Variants in MYRIP observed in about 807,000 individuals in gnomAD.
The protein encoded by MYRIP is myosin VIIA and Rab interacting protein, also known as rab effector MyRIP.
In MYRIP, 49 loss-of-function variants were observed where a neutral mutation model predicts 98.0. The observed-to-expected ratio is 0.50, with a 90% CI of 0.40 to 0.63. MYRIP has a LOEUF of 0.63. Ranked by LOEUF, MYRIP falls within the 30% of genes least tolerant of loss-of-function variation. The pLI, the probability that MYRIP is intolerant of heterozygous loss-of-function variation, is 0.00. For missense variants in MYRIP, 1,004 were observed against 1,058.2 expected (o/e 0.95, Z 0.71); for synonymous variants, 404 against 409.5 (o/e 0.99, Z 0.16).
intron 2 of MYRIP, among the ~76,000 whole-genome samples, chr3:40,030,302 C>A (rs1947230804): frequency 6.6e-6 from 1 of 152,048 alleles, no homozygotes; most frequent in African/African-American, 2.4e-5. Context: ...CCACCTCACA[C>A]CCCCTAAGAT....
At chr3:40,001,546 C>G (rs189421221) in intron 2 of MYRIP, among the ~76,000 whole-genome samples, 8 of 152,300 alleles carry the variant, frequency 5.3e-5, no homozygotes. Context: ...TTTCACCTTT[C>G]GAGTTAGAGA....
Position 40,258,459 on chromosome 3 carries a change from GT to G in MYRIP, c.*296del. 1 of 380,720 alleles carries G rather than the reference GT, an allele frequency of 2.6e-6. No homozygotes were observed. Among genetic ancestry groups the G allele is most frequent in the Non-Finnish European group, 4.8e-6 (1 of 209,058 alleles). 23.6% of individuals were successfully genotyped at this position (380,720 alleles called of 1,614,324 possible). On this transcript the variant is annotated 3_prime_UTR_variant, in exon 17 of 17. Transcript: ENST00000302541. ...CATGTTTAAGATACATATTTTCCCT[GT>G]TTGCTTTGCTACTGTATGTTGACTT...
At chr3:39,925,233 C>T (rs1944396204) in intron 2 of MYRIP, among the ~76,000 whole-genome samples, 1 of 151,958 alleles carries the variant, frequency 6.6e-6, no homozygotes, top group Non-Finnish European at 1.5e-5. Flanking sequence ...GGAGAAAACA[C>T]AAATTGTCAG....
intron 2 of MYRIP, among the ~76,000 whole-genome samples, chr3:40,018,212 G>C (rs1559562521): frequency 6.6e-6 from 1 of 152,056 alleles, no homozygotes; most frequent in Non-Finnish European, 1.5e-5. Flanking sequence ...GTATTCTTTT[G>C]CTCCCTAACT....
chr3:40,150,965 T>G, intron 3 of MYRIP, 83 bp from the exon 4 acceptor site: 38 of 1,282,854 alleles, frequency 3.0e-5, no homozygotes, highest in Non-Finnish European at 3.7e-5. Flanking sequence ...TCTTGATGGA[T>G]GGAGCTGTGA....
chr3:39,845,876 A>G (rs958977880), intron 1 of MYRIP, among the ~76,000 whole-genome samples: 2 of 144,128 alleles, frequency 1.4e-5, no homozygotes, highest in African/African-American at 5.1e-5. Context: ...AAAAAAATTC[A>G]TGCTTCCAGT....
chr3:40,041,039 A>AAAAAAAAAAAAAG (rs1947515846), intron 2 of MYRIP, among the ~76,000 whole-genome samples: 1 of 148,100 alleles, frequency 6.8e-6, no homozygotes, highest in Non-Finnish European at 1.5e-5. Flanking sequence ...AAAAAAAAAA[A>AAAAAAAAAAAAAG]AAATCAAAGC....
At chr3:40,087,876 C>A (rs1948659550) in intron 3 of MYRIP, among the ~76,000 whole-genome samples, 1 of 152,154 alleles carries the variant, frequency 6.6e-6, no homozygotes, top group African/African-American at 2.4e-5. Context: ...CTGTGACCAG[C>A]TGGCAGGTAG....
chr3:40,031,210 C>T (rs899211504), intron 2 of MYRIP, among the ~76,000 whole-genome samples: 1 of 151,998 alleles, frequency 6.6e-6, no homozygotes, highest in African/African-American at 2.4e-5. Context: ...GTCCTCACAT[C>T]GTGGAAGGGC....
intron 11 of MYRIP, among the ~76,000 whole-genome samples, chr3:40,231,373 CT>C (rs1467849052): frequency 6.6e-6 from 1 of 152,186 alleles, no homozygotes; most frequent in Non-Finnish European, 1.5e-5. Context: ...TTGTTCACTG[CT>C]TTATCCCAGC....
intron 1 of MYRIP, among the ~76,000 whole-genome samples, chr3:39,852,599 C>T (rs1292731003): frequency 1.3e-5 from 2 of 151,800 alleles, no homozygotes; most frequent in Non-Finnish European, 2.9e-5. Context: ...TTTGTGTCCT[C>T]ATAGCCTAGC....
At chr3:39,843,239 A>C (rs2125596962) in intron 1 of MYRIP, among the ~76,000 whole-genome samples, 1 of 152,288 alleles carries the variant, frequency 6.6e-6, no homozygotes, top group Non-Finnish European at 1.5e-5. Context: ...ATATAGTCAC[A>C]GTTTGAAAGA....
At position 39,939,662 on chromosome 3, in the gene MYRIP, T is replaced by A. The variant is rs543598534; in HGVS notation, c.110+38736T>A. Among the ~76,000 whole-genome samples the A allele has an allele frequency of 2.2e-4, 33 of 152,314 alleles. 1 individual carries two copies. Among genetic ancestry groups the A allele is most frequent in the Middle Eastern group, 6.8e-3 (2 of 294 alleles). The stretch of plus-strand genomic sequence containing the variant: ...CCTAAATGTATAACTTCTAAAGAGA[T>A]AATTTTTTCTTTCATGTTTTTGCTA... On this transcript the variant is annotated intron_variant, in intron 2 of 16. Transcript: ENST00000302541.
Position 40,168,882 on chromosome 3 carries a change from C to T in MYRIP, c.730-1068C>T, listed in dbSNP as rs150443870. The stretch of plus-strand genomic sequence containing the variant: ...GTCTGCAGAGTCACACTAGAAAGTG[C>T]CGTATGCAGGAAGTGTTGAAAAACT... On this transcript the variant is annotated intron_variant, in intron 7 of 16. Transcript: ENST00000302541. 5.6e-4 allele frequency among the ~76,000 whole-genome samples: 85 copies of T among 152,302 alleles called. 1 individual carries two copies. In the East Asian group the frequency reaches 0.014, roughly 26 times the overall value.
chr3:40,199,307 C>G (rs1233553144), intron 10 of MYRIP, among the ~76,000 whole-genome samples: 2 of 152,158 alleles, frequency 1.3e-5, no homozygotes, highest in East Asian at 3.9e-4. Flanking sequence ...CAATCCTTCA[C>G]AGCAGGCACT....
chr3:39,882,878 T>C (rs982639877), intron 1 of MYRIP, among the ~76,000 whole-genome samples: 19 of 152,024 alleles, frequency 1.2e-4, no homozygotes, highest in Admixed American at 1.1e-3. Flanking sequence ...CGCATTAATA[T>C]AGCAGAAGAG....
At chr3:40,130,601 C>T (rs1371045969) in intron 3 of MYRIP, among the ~76,000 whole-genome samples, 14 of 151,770 alleles carry the variant, frequency 9.2e-5, no homozygotes, top group African/African-American at 2.7e-4. Context: ...AGGATGGTCT[C>T]AATCTCCTGA....
intron 1 of MYRIP, among the ~76,000 whole-genome samples, chr3:39,843,892 G>T (rs1415615833): frequency 6.6e-6 from 1 of 152,128 alleles, no homozygotes; most frequent in African/African-American, 2.4e-5. Flanking sequence ...TCAGGACAGG[G>T]GAAGTACATG....
At chr3:40,135,471 C>G (rs994850962) in intron 3 of MYRIP, among the ~76,000 whole-genome samples, 1 of 152,188 alleles carries the variant, frequency 6.6e-6, no homozygotes, top group Non-Finnish European at 1.5e-5. Flanking sequence ...AGGATATTAT[C>G]CAGGAGAACT....
Sources: allele counts gnomAD v4.1 joint callset (sites outside exome capture counted in the v4.1 genomes callset), GRCh38; gene constraint gnomAD v4.1.1; transcripts MANE v1.5; gene names NCBI Gene and HGNC (gene_info 2026-07-23, HGNC 2026-07-21).